TPH1: variants seen among roughly 807,000 people sequenced by gnomAD.
TPH1 encodes the protein tryptophan hydroxylase 1, also known as tryptophan 5-hydroxylase 1.
TPH1 carries 37 observed loss-of-function variants against 49.5 expected under a neutral mutation model. That is an observed-to-expected ratio of 0.75 (90% CI 0.58 to 0.98). The LOEUF (loss-of-function observed/expected upper bound fraction) is 0.98, where lower values mean the gene tolerates loss of function less well. Among genes scored for constraint, TPH1 ranks in the 50% least tolerant of loss-of-function variants. The pLI, the probability that TPH1 is intolerant of heterozygous loss-of-function variation, is 0.00. For synonymous variants in TPH1, 160 were observed against 182.1 expected (o/e 0.88, Z 0.98); for missense variants, 487 against 523.6 (o/e 0.93, Z 0.68).
At chr11:18,042,380 C>T (rs1036300617) in intron 1 of TPH1, 2 of 454,396 alleles carry the variant, frequency 4.4e-6, no homozygotes, top group Non-Finnish European at 8.8e-6. Context: ...AATTACCACT[C>T]AAAGATTGAC....
intron 9 of TPH1, among the ~76,000 whole-genome samples, 190 bp downstream of exon 9, chr11:18,023,696 TAC>T (rs1050989668): frequency 2.0e-4 from 31 of 151,448 alleles, no homozygotes; most frequent in African/African-American, 6.1e-4. Flanking sequence ...TCTATACATA[TAC>T]ACACACACAT....
chr11:18,037,446 A>C (rs917200379), intron 2 of TPH1, among the ~76,000 whole-genome samples: 1 of 152,136 alleles, frequency 6.6e-6, no homozygotes, highest in African/African-American at 2.4e-5. Flanking sequence ...TAGAATAGGC[A>C]GGGTTTATCT....
At position 18,033,336 on chromosome 11, in the gene TPH1, C is replaced by T. The variant is rs1295839379; in HGVS notation, c.340G>A (p.Asp114Asn). The change falls in exon 4 of 11, where the codon GAC (aspartate) becomes AAC (asparagine). Residue 114 changes from aspartate (D) to asparagine (N), a missense_variant. Asp to Asn is a conservative substitution (Grantham distance 23). Transcript: ENST00000682019. Reference protein sequence around the residue: ...TVPWFPKKISDLDHCANRVLM... With the variant: ...TVPWFPKKISNLDHCANRVLM... ...ACTCTGTTGGCACAATGGTCCAGGT[C>T]AGAAATCTTCTTTGGAAACCAAGGA... 1.6e-5 allele frequency: 26 copies of T among 1,613,954 alleles called. No homozygotes were observed. The highest frequency in any genetic ancestry group is 2.2e-5 in the Non-Finnish European group (26 of 1,179,940).
chr11:18,025,790 T>G, intron 7 of TPH1, 89 bp from the exon 8 acceptor site: 1 of 1,540,326 alleles, frequency 6.5e-7, no homozygotes, highest in Non-Finnish European at 8.9e-7. Context: ...CAATATTTTA[T>G]TCTAATGATC....
At chr11:18,027,477 A>T (rs1445449097) in intron 6 of TPH1, among the ~76,000 whole-genome samples, 3 of 152,216 alleles carry the variant, frequency 2.0e-5, no homozygotes, top group Non-Finnish European at 4.4e-5. Flanking sequence ...CTTGATTTAC[A>T]TTTATTTTAG....
rs768975244 is a variant in TPH1, at chr11:18,021,018, A to G, written c.1308T>C (p.Ala436=). The change falls in exon 11 of 11, where the codon GCT becomes GCC. Residue 436 remains alanine, a synonymous_variant. Transcript: ENST00000682019. The part of the protein sequence containing the change: ...HDLDVVSDAL[A]KVSRKPSI ...AGATACTCGGCTTCCTGCTGACCTTAGCAAGGGCATCACTGACAACATCGA... is the reference window on the plus strand; with the variant it reads ...AGATACTCGGCTTCCTGCTGACCTTGGCAAGGGCATCACTGACAACATCGA... 6.2e-7 allele frequency: 1 copy of G among 1,613,914 alleles called. No homozygotes were observed. The highest frequency in any genetic ancestry group is 1.1e-5 in the South Asian group (1 of 91,068).
rs1848047349 is a variant in TPH1 at position 18,036,211 on chromosome 11, TTTAA to T, written c.118-73_118-70del. On this transcript the variant is annotated intron_variant, in intron 2 of 10. Transcript: ENST00000682019. ...TGTTAATAGTCTTTGAGCAGGCTAC[TTTAA>T]TTACCACTAAAAATCAGATTCACAC... 7.5e-6 allele frequency: 9 copies of T among 1,200,184 alleles called. No homozygotes were observed. In the East Asian group the frequency reaches 9.6e-5, roughly 13 times the overall value. 74.3% of individuals were successfully genotyped at this position (1,200,184 alleles called of 1,614,324 possible).
chr11:18,044,346 T>C (rs540941660), intron 1 of TPH1, among the ~76,000 whole-genome samples: 132 of 151,906 alleles, frequency 8.7e-4, no homozygotes, highest in Non-Finnish European at 1.1e-3. Flanking sequence ...GGCTTGAACC[T>C]GGGAGGCGGA....
Position 18,021,024 on chromosome 11 carries a change from G to A in TPH1, c.1302C>T (p.Ala434=), listed in dbSNP as rs776939108. Residue 434 remains alanine (A), a synonymous_variant, in exon 11 of 11, where the codon GCC becomes GCT. Coordinates refer to ENST00000682019, the MANE Select transcript of TPH1 (RefSeq NM_004179.3). ...LQHDLDVVSD[A]LAKVSRKPSI ...TCGGCTTCCTGCTGACCTTAGCAAG[G>A]GCATCACTGACAACATCGAGATCAT... The A allele has an allele frequency of 3.1e-6, 5 of 1,613,966 alleles. No homozygotes were observed. In the South Asian group the frequency reaches 5.5e-5, roughly 18 times the overall value.
intron 10 of TPH1, among the ~76,000 whole-genome samples, chr11:18,022,312 T>C (rs73428362): frequency 0.011 from 1,610 of 152,352 alleles, 32 homozygotes; most frequent in African/African-American, 0.036. Flanking sequence ...CCTATATTTC[T>C]CAACATCCTG....
chr11:18,043,431 C>A (rs1231708195), intron 1 of TPH1, among the ~76,000 whole-genome samples: 1 of 152,066 alleles, frequency 6.6e-6, no homozygotes, highest in East Asian at 1.9e-4. Flanking sequence ...ATGGTGAAAC[C>A]CCGTCTCTAC....
rs115444520 is a variant in TPH1 at position 18,034,274 on chromosome 11, A to G, written c.302-900T>C. Reference sequence around the variant, plus strand: ...CAGATGAGGTAATCAAACTCCAGAGAGGTAATTTATCCAAGGTAACTCACT... The same window carrying G: ...CAGATGAGGTAATCAAACTCCAGAGGGGTAATTTATCCAAGGTAACTCACT... On this transcript the variant is annotated intron_variant, in intron 3 of 10. Transcript: ENST00000682019. Among the ~76,000 whole-genome samples, 528 of 152,322 alleles carry G rather than the reference A, an allele frequency of 3.5e-3. 1 individual carries two copies. The highest frequency in any genetic ancestry group is 0.012 in the African/African-American group (506 of 41,568).
At chr11:18,044,576 G>T (rs567133597) in intron 1 of TPH1, among the ~76,000 whole-genome samples, 2 of 150,636 alleles carry the variant, frequency 1.3e-5, no homozygotes, top group South Asian at 2.1e-4. Flanking sequence ...ACAGGACATA[G>T]ATCTTTGATC....
chr11:18,046,257 T>G lies in TPH1; in HGVS notation c.-43A>C, dbSNP rs914686891. ...CTCACTCACCTCGGGCGCCAGTAGG[T>G]GCAGGCTGGGTCGGCCGGCGGCCCC... is the stretch of plus-strand genomic sequence containing the variant. On this transcript the variant is annotated 5_prime_UTR_variant, in exon 1 of 11. Coordinates refer to ENST00000682019, the MANE Select transcript of TPH1 (RefSeq NM_004179.3). Among the ~76,000 whole-genome samples the G allele has an allele frequency of 1.3e-5, 2 of 152,038 alleles. No homozygotes were observed. Among genetic ancestry groups the G allele is most frequent in the Non-Finnish European group, 2.9e-5 (2 of 67,980 alleles).
At chr11:18,023,658 TA>T (rs1164420804) in intron 9 of TPH1, among the ~76,000 whole-genome samples, 2 of 151,662 alleles carry the variant, frequency 1.3e-5, no homozygotes, top group Non-Finnish European at 2.9e-5. Flanking sequence ...AATGCCCTTA[TA>T]AAATTCTTAT....
intron 3 of TPH1, among the ~76,000 whole-genome samples, chr11:18,034,912 G>A (rs1848028920): frequency 6.6e-6 from 1 of 152,192 alleles, no homozygotes; most frequent in Non-Finnish European, 1.5e-5. Context: ...TGGCACCAGG[G>A]AGTGGTTTTG....
At chr11:18,029,467 A>G in intron 5 of TPH1, 45 bp downstream of exon 5, 1 of 1,565,596 alleles carries the variant, frequency 6.4e-7, no homozygotes, top group Non-Finnish European at 8.8e-7. Flanking sequence ...CTATTCACTT[A>G]TTTTATTATC....
chr11:18,022,734 T>C, intron 10 of TPH1, 64 bp downstream of exon 10: 3 of 1,586,560 alleles, frequency 1.9e-6, no homozygotes, highest in South Asian at 2.2e-5. Context: ...TTCTGTGACT[T>C]GTTACCATAA....
intron 7 of TPH1, among the ~76,000 whole-genome samples, 192 bp downstream of exon 7, chr11:18,026,298 T>A (rs1847927954): frequency 1.4e-5 from 2 of 145,744 alleles, no homozygotes; most frequent in African/African-American, 5.1e-5. Context: ...TTAATAATCA[T>A]AATGGCTAAC....
Sources: gnomAD v4.1 joint callset for allele counts (sites outside exome capture counted in the v4.1 genomes callset) on GRCh38, gnomAD v4.1.1 for gene constraint, MANE v1.5 for transcripts, NCBI Gene and HGNC (gene_info 2026-07-23, HGNC 2026-07-21) for gene names.